Variants in FHIT observed in about 807,000 individuals in gnomAD.
FHIT encodes bis(5'-adenosyl)-triphosphatase.
A neutral mutation model predicts 17.9 loss-of-function variants in FHIT; 19 were observed. The ratio of observed to expected loss-of-function variants is 1.06; its 90% confidence interval spans 0.74 to 1.56. The LOEUF (loss-of-function observed/expected upper bound fraction) is 1.56, where lower values mean the gene tolerates loss of function less well. Among genes scored for constraint, FHIT ranks in the 40% most tolerant of loss-of-function variants. The probability of loss-of-function intolerance (pLI) is 0.00; values close to 1 mark genes in which losing one functional copy is unlikely to be tolerated. For synonymous variants in FHIT, 81 were observed against 69.7 expected, an observed-to-expected ratio of 1.16 and a Z score of -0.81; for missense variants, 248 against 189.2, an observed-to-expected ratio of 1.31 and a Z score of -1.82.
chr3:61,081,932 T>A (rs2035150792), intron 2 of FHIT, among the ~76,000 whole-genome samples: 1 of 152,092 alleles, frequency 6.6e-6, no homozygotes, highest in Non-Finnish European at 1.5e-5. Flanking sequence ...AATCACCAAG[T>A]CGTGAGCAGA....
intron 5 of FHIT, among the ~76,000 whole-genome samples, chr3:60,377,683 T>G (rs56700562): frequency 1.4e-5 from 2 of 138,708 alleles, no homozygotes; most frequent in African/African-American, 2.7e-5. Flanking sequence ...GGGTTTCACC[T>G]TGTTAGCCAG....
At chr3:61,144,289 T>C (rs143042467) in intron 2 of FHIT, among the ~76,000 whole-genome samples, 1 of 152,358 alleles carries the variant, frequency 6.6e-6, no homozygotes, top group East Asian at 1.9e-4. Flanking sequence ...AATGGAATCA[T>C]ACAGTATGTG....
At chr3:60,796,556 T>C (rs1227129613) in intron 4 of FHIT, among the ~76,000 whole-genome samples, 1 of 152,146 alleles carries the variant, frequency 6.6e-6, no homozygotes, top group African/African-American at 2.4e-5. Flanking sequence ...TTCTTTGAAT[T>C]AAGAGTTGTT....
chr3:59,806,515 G>C (rs1421093978), intron 8 of FHIT, among the ~76,000 whole-genome samples: 1 of 151,908 alleles, frequency 6.6e-6, no homozygotes, highest in Admixed American at 6.6e-5. Context: ...ATCCCCAGCG[G>C]CAATTCCCAT....
intron 5 of FHIT, among the ~76,000 whole-genome samples, chr3:60,074,525 A>C (rs1433698238): frequency 6.7e-6 from 1 of 150,186 alleles, no homozygotes; most frequent in African/African-American, 2.5e-5. Flanking sequence ...CATTCAGCAA[A>C]TGTGTGGATT....
chr3:60,923,365 C>T (rs1707386775), intron 3 of FHIT, among the ~76,000 whole-genome samples: 1 of 152,150 alleles, frequency 6.6e-6, no homozygotes, highest in South Asian at 2.1e-4. Context: ...GCCTCCATTT[C>T]CCTGTAGGTA....
intron 5 of FHIT, among the ~76,000 whole-genome samples, chr3:60,362,983 T>C (rs558350056): frequency 1.2e-4 from 19 of 152,288 alleles, no homozygotes; most frequent in Admixed American, 3.9e-4. Flanking sequence ...AATTTCTTCA[T>C]GTTGGGTAAA....
intron 5 of FHIT, among the ~76,000 whole-genome samples, chr3:60,331,715 G>A (rs963573811): frequency 1.1e-4 from 16 of 151,844 alleles, no homozygotes; most frequent in South Asian, 2.1e-4. Flanking sequence ...GCGTGGTGGC[G>A]CATGCCTGTA....
At chr3:61,214,427 G>A (rs923760793) in intron 1 of FHIT, among the ~76,000 whole-genome samples, 15 of 152,082 alleles carry the variant, frequency 9.9e-5, no homozygotes, top group African/African-American at 3.4e-4. Flanking sequence ...TAAATTCCTC[G>A]ACACATACAC....
intron 5 of FHIT, among the ~76,000 whole-genome samples, chr3:60,187,721 G>T (rs1042778371): frequency 1.3e-5 from 2 of 152,110 alleles, no homozygotes; most frequent in Non-Finnish European, 2.9e-5. Context: ...TAAGAATAAT[G>T]CACTCTAGTC....
intron 3 of FHIT, among the ~76,000 whole-genome samples, chr3:60,946,990 G>C (rs1254495628): frequency 6.6e-6 from 1 of 152,206 alleles, no homozygotes; most frequent in Admixed American, 6.5e-5. Flanking sequence ...AATGTAAACA[G>C]TCAGATGTGG....
intron 4 of FHIT, among the ~76,000 whole-genome samples, chr3:60,664,435 C>A (rs2040334302): frequency 6.6e-6 from 1 of 151,950 alleles, no homozygotes; most frequent in South Asian, 2.1e-4. Context: ...TCTTTCCTCC[C>A]TCCCCCTTCT....
chr3:60,578,998 C>G (rs1381194893), intron 4 of FHIT, among the ~76,000 whole-genome samples: 1 of 152,154 alleles, frequency 6.6e-6, no homozygotes, highest in African/African-American at 2.4e-5. Context: ...TCAATGTTAT[C>G]TCAAGAAATG....
chr3:59,943,371 C>T (rs1706629457), intron 7 of FHIT, among the ~76,000 whole-genome samples: 1 of 151,972 alleles, frequency 6.6e-6, no homozygotes, highest in Admixed American at 6.6e-5. Context: ...AATAAATCAG[C>T]AACGAAATTG....
At chr3:60,093,984 G>T (rs974821318) in intron 5 of FHIT, among the ~76,000 whole-genome samples, 2 of 152,108 alleles carry the variant, frequency 1.3e-5, no homozygotes, top group Admixed American at 6.5e-5. Context: ...GAAAAACTGT[G>T]TATGTGTAAG....
chr3:59,847,155 C>T (rs1410576612), intron 8 of FHIT, among the ~76,000 whole-genome samples: 1 of 152,078 alleles, frequency 6.6e-6, no homozygotes, highest in Non-Finnish European at 1.5e-5. Flanking sequence ...ATTATTTCTT[C>T]AAATAATCTC....
At chr3:60,239,011 C>T (rs1704966691) in intron 5 of FHIT, among the ~76,000 whole-genome samples, 1 of 152,134 alleles carries the variant, frequency 6.6e-6, no homozygotes, top group African/African-American at 2.4e-5. Context: ...ACATCCCTGG[C>T]ATTTTTCTAA....
chr3:60,644,853 A>T (rs1468839851), intron 4 of FHIT, among the ~76,000 whole-genome samples: 1 of 152,172 alleles, frequency 6.6e-6, no homozygotes, highest in Admixed American at 6.5e-5. Context: ...CCACCTTATT[A>T]GCCAGCATTC....
At chr3:60,810,731 A>T (rs1701547128) in intron 4 of FHIT, among the ~76,000 whole-genome samples, 3 of 149,786 alleles carry the variant, frequency 2.0e-5, no homozygotes, top group African/African-American at 7.4e-5. Context: ...AAAACAAAAT[A>T]TAGATATTTA....
Sources: allele counts gnomAD v4.1 joint callset (sites outside exome capture counted in the v4.1 genomes callset), GRCh38; gene constraint gnomAD v4.1.1; transcripts MANE v1.5; gene names NCBI Gene and HGNC (gene_info 2026-07-23, HGNC 2026-07-21).